The following DENND1A variants were observed in gnomAD, a reference collection of about 807,000 sequenced individuals.
The protein encoded by DENND1A is DENN domain containing 1A.
A neutral mutation model predicts 113.7 loss-of-function variants in DENND1A; 51 were observed. The ratio of observed to expected loss-of-function variants is 0.45; its 90% CI spans 0.36 to 0.57. The LOEUF (loss-of-function observed/expected upper bound fraction) is 0.57, where lower values mean the gene tolerates loss of function less well. Ranked by LOEUF, DENND1A falls within the 20% of genes least tolerant of loss-of-function variation. The pLI is 0.00. For missense variants in DENND1A, 1,258 were observed against 1,395.9 expected, an observed-to-expected ratio of 0.90 and a Z score of 1.57; for synonymous variants, 565 against 570.8, an observed-to-expected ratio of 0.99 and a Z score of 0.14.
intron 20 of DENND1A, among the ~76,000 whole-genome samples, chr9:123,409,315 T>C (rs2131467148): frequency 6.6e-6 from 1 of 152,034 alleles, no homozygotes; most frequent in African/African-American, 2.4e-5. Flanking sequence ...CAGCATTTTA[T>C]ATAGGTTGAG....
chr9:123,926,720 T>C (rs1857172752), intron 1 of DENND1A, among the ~76,000 whole-genome samples: 1 of 151,828 alleles, frequency 6.6e-6, no homozygotes. Flanking sequence ...TTAATTAGAA[T>C]CTTAATATAG....
At chr9:123,560,504 C>G (rs2057684919) in intron 12 of DENND1A, among the ~76,000 whole-genome samples, 1 of 151,992 alleles carries the variant, frequency 6.6e-6, no homozygotes, top group African/African-American at 2.4e-5. Context: ...CTGGGCAACA[C>G]AGTGAGATCC....
chr9:123,572,923 T>C (rs1378450770), intron 12 of DENND1A, among the ~76,000 whole-genome samples: 3 of 152,186 alleles, frequency 2.0e-5, no homozygotes, highest in Non-Finnish European at 4.4e-5. Context: ...TTGATTGTTT[T>C]TGCTTCTATT....
intron 1 of DENND1A, among the ~76,000 whole-genome samples, chr9:123,887,063 A>G (rs1386192381): frequency 1.3e-5 from 2 of 152,232 alleles, no homozygotes; most frequent in Non-Finnish European, 2.9e-5. Flanking sequence ...AATGTGCAGT[A>G]CAACACACAG....
At chr9:123,557,286 G>A (rs1176112077) in intron 13 of DENND1A, among the ~76,000 whole-genome samples, 1 of 152,222 alleles carries the variant, frequency 6.6e-6, no homozygotes, top group Non-Finnish European at 1.5e-5. Context: ...AGGTGAGTGT[G>A]AGGGGCCTGG....
intron 3 of DENND1A, among the ~76,000 whole-genome samples, chr9:123,779,233 C>T (rs1242376719): frequency 1.3e-5 from 2 of 152,190 alleles, no homozygotes; most frequent in Non-Finnish European, 2.9e-5. Context: ...CCCACTCACT[C>T]AAAACACATT....
In DENND1A at chr9:123,557,643, C is replaced by T. The variant is rs758446220; in HGVS notation, c.920G>A (p.Gly307Asp). The change falls in exon 13 of 24, where the codon GGT becomes GAT. Residue 307 changes from glycine to aspartate, a missense_variant. Around this residue, in one of 2 missense-constraint regions of DENND1A, gnomAD observed 1,159 missense variants for 1,231.7 expected, o/e 0.94. Transcript: ENST00000394215. Reference sequence around the variant, plus strand: ...GGCCTTGAGGAACGCTCTGGCCACACCATCCCCAGTGGTTGTGGAGACCTT... The same window carrying T: ...GGCCTTGAGGAACGCTCTGGCCACATCATCCCCAGTGGTTGTGGAGACCTT... ...LKKVSTTTGD[G>D]VARAFLKAQA... 6.2e-7 allele frequency: 1 copy of T among 1,614,098 alleles called. No individual in the cohort carries two copies. The highest frequency in any genetic ancestry group is 8.5e-7 in the Non-Finnish European group (1 of 1,179,984).
At chr9:123,577,725 A>G (rs1434144321) in intron 12 of DENND1A, among the ~76,000 whole-genome samples, 1 of 151,366 alleles carries the variant, frequency 6.6e-6, no homozygotes, top group Non-Finnish European at 1.5e-5. Flanking sequence ...ACACACATAA[A>G]AATGCACACA....
intron 2 of DENND1A, among the ~76,000 whole-genome samples, chr9:123,842,766 T>C (rs1275396577): frequency 6.6e-6 from 1 of 152,178 alleles, no homozygotes; most frequent in East Asian, 1.9e-4. Flanking sequence ...TTCCAATTCA[T>C]TCTATAAGGC....
intron 13 of DENND1A, among the ~76,000 whole-genome samples, chr9:123,507,212 G>T (rs2053034349): frequency 3.3e-5 from 5 of 152,044 alleles, no homozygotes. Flanking sequence ...AAGAAAGAAA[G>T]AAAAGAAACA....
intron 2 of DENND1A, among the ~76,000 whole-genome samples, chr9:123,871,281 A>G (rs1430466724): frequency 6.6e-6 from 1 of 152,042 alleles, no homozygotes; most frequent in Non-Finnish European, 1.5e-5. Flanking sequence ...ACAGGGTTTC[A>G]TCATGTTGCC....
intron 20 of DENND1A, among the ~76,000 whole-genome samples, chr9:123,409,728 T>C (rs368928851): frequency 1.2e-4 from 19 of 152,228 alleles, no homozygotes; most frequent in South Asian, 6.2e-4. Flanking sequence ...TATAAAATCC[T>C]AGGCAAGTGA....
chr9:123,519,872 T>C (rs1295468952), intron 13 of DENND1A, among the ~76,000 whole-genome samples: 2 of 152,018 alleles, frequency 1.3e-5, no homozygotes, highest in African/African-American at 4.8e-5. Context: ...TCTTAAGAAA[T>C]ACCCAGGCTG....
chr9:123,468,748 TGA>T (rs749021273), intron 13 of DENND1A, among the ~76,000 whole-genome samples: 1 of 152,154 alleles, frequency 6.6e-6, no homozygotes, highest in Non-Finnish European at 1.5e-5. Context: ...ACCAGAAAGC[TGA>T]GAGAGTGGGG....
In DENND1A at chr9:123,727,766, G is replaced by A. The variant is rs189417648; in HGVS notation, c.302+29937C>T. Among the ~76,000 whole-genome samples the A allele has an allele frequency of 1.4e-4, 21 of 152,172 alleles. No homozygotes were observed. The East Asian group carries it at 3.7e-3, about 27-fold the overall frequency. ...GTATAAATCTAACAATACAGGTGTA[G>A]GAACTGTATGCCAAAAACCACAAAA... is the stretch of plus-strand genomic sequence containing the variant. On this transcript the variant is annotated intron_variant, in intron 5 of 23. Coordinates refer to ENST00000394215, the MANE Select transcript of DENND1A (RefSeq NM_001352964.2).
At chr9:123,491,962 G>A (rs771205438) in intron 13 of DENND1A, 6 of 152,212 alleles carry the variant, frequency 3.9e-5, no homozygotes, top group South Asian at 2.1e-4. Context: ...AGAGGGACAC[G>A]TAACTCTAAA....
chr9:123,463,029 C>G (rs2048658343), intron 13 of DENND1A, among the ~76,000 whole-genome samples: 1 of 152,146 alleles, frequency 6.6e-6, no homozygotes, highest in Non-Finnish European at 1.5e-5. Context: ...AAGAGTAAGG[C>G]AAGGTGTCTC....
intron 2 of DENND1A, among the ~76,000 whole-genome samples, chr9:123,796,756 TACACACACACACACAC>T (rs370185315): frequency 7.1e-6 from 1 of 141,510 alleles, no homozygotes; most frequent in African/African-American, 2.6e-5. Context: ...TATGTGTACA[TACACACACACACACAC>T]ACACACACAC....
chr9:123,635,604 G>A (rs1379276173), intron 9 of DENND1A, among the ~76,000 whole-genome samples: 4 of 152,160 alleles, frequency 2.6e-5, no homozygotes, highest in Non-Finnish European at 5.9e-5. Context: ...AAATGTCTCG[G>A]ACAAAATACC....
Sources: gnomAD v4.1 joint callset for allele counts (sites outside exome capture counted in the v4.1 genomes callset) on GRCh38, gnomAD v4.1.1 for gene constraint, gnomAD v4.1.1 regional missense constraint, MANE v1.5 for transcripts, NCBI Gene and HGNC (gene_info 2026-07-23, HGNC 2026-07-21) for gene names.